Variants in ITSN1 observed in about 807,000 individuals in gnomAD.
The protein encoded by ITSN1 is intersectin 1.
ITSN1 carries 58 observed loss-of-function variants against 239.8 expected under a neutral mutation model. The ratio of observed to expected loss-of-function variants is 0.24; its 90% CI spans 0.20 to 0.30. The LOEUF (loss-of-function observed/expected upper bound fraction) is 0.30, where lower values mean the gene tolerates loss of function less well. Ranked by LOEUF, ITSN1 falls within the 10% of genes least tolerant of loss-of-function variation. The pLI is 1.00. For synonymous variants in ITSN1, 780 were observed against 770.8 expected, an observed-to-expected ratio of 1.01 and a Z score of -0.20; for missense variants, 1,558 against 2,103.3, an observed-to-expected ratio of 0.74 and a Z score of 5.07.
At chr21:33,680,755 C>T (rs2090902702) in intron 1 of ITSN1, among the ~76,000 whole-genome samples, 1 of 152,222 alleles carries the variant, frequency 6.6e-6, no homozygotes, top group East Asian at 1.9e-4. Context: ...AGGTTAATGA[C>T]TGCATGGTTT....
intron 16 of ITSN1, among the ~76,000 whole-genome samples, chr21:33,786,670 C>T (rs1192271162): frequency 1.3e-5 from 2 of 152,146 alleles, no homozygotes; most frequent in Non-Finnish European, 2.9e-5. Flanking sequence ...TTTCCAGGCT[C>T]CTTTAAGAGG....
At chr21:33,874,650 C>CTTTTTTTTTTTTTTTTTTTT (rs146318076) in intron 33 of ITSN1, among the ~76,000 whole-genome samples, 1 of 138,814 alleles carries the variant, frequency 7.2e-6, no homozygotes. Flanking sequence ...TTTTCTTTTT[C>CTTTTTTTTTTTTTTTTTTTT]TTTCTTTTTT....
chr21:33,731,794 A>ATATT (rs1030304894), intron 4 of ITSN1, among the ~76,000 whole-genome samples: 1 of 152,228 alleles, frequency 6.6e-6, no homozygotes, highest in African/African-American at 2.4e-5. Flanking sequence ...AACTACTTAA[A>ATATT]TATGTGAGAC....
At chr21:33,845,160 G>C (rs2074950823) in intron 29 of ITSN1, among the ~76,000 whole-genome samples, 1 of 152,042 alleles carries the variant, frequency 6.6e-6, no homozygotes, top group Non-Finnish European at 1.5e-5. Flanking sequence ...GTTCCAGCTA[G>C]TGAAGGATGG....
intron 1 of ITSN1, among the ~76,000 whole-genome samples, chr21:33,680,470 TAC>T (rs763916969): frequency 5.3e-5 from 8 of 152,040 alleles, no homozygotes; most frequent in Non-Finnish European, 1.0e-4. Flanking sequence ...TAGCTGGCAT[TAC>T]AGGCATGCAC....
chr21:33,806,101 C>G (rs1227760924), intron 20 of ITSN1, among the ~76,000 whole-genome samples: 1 of 148,552 alleles, frequency 6.7e-6, no homozygotes, highest in African/African-American at 2.5e-5. Flanking sequence ...GTCCCAGCTA[C>G]TCGGGAGGCT....
At chr21:33,822,990 G>A (rs1473376511) in intron 24 of ITSN1, among the ~76,000 whole-genome samples, 1 of 152,190 alleles carries the variant, frequency 6.6e-6, no homozygotes, top group African/African-American at 2.4e-5. Flanking sequence ...TTTATGCGAA[G>A]GATATATGCT....
chr21:33,672,447 G>T (rs1040994140), intron 1 of ITSN1, among the ~76,000 whole-genome samples: 1 of 151,172 alleles, frequency 6.6e-6, no homozygotes, highest in African/African-American at 2.5e-5. Context: ...AACATGTTAG[G>T]ATGGCCATTA....
At chr21:33,666,462 T>TA (rs1218263866) in intron 1 of ITSN1, among the ~76,000 whole-genome samples, 1 of 107,498 alleles carries the variant, frequency 9.3e-6, no homozygotes, top group Non-Finnish European at 1.8e-5. Context: ...TGCTGCAATT[T>TA]AAAAAAAATA....
At position 33,891,991 on chromosome 21, in the gene ITSN1, G is replaced by A. The variant is rs930438876; in HGVS notation, c.*3691G>A. The A allele has an allele frequency of 5.3e-5, 8 of 152,166 alleles. No homozygotes were observed. The highest frequency in any genetic ancestry group is 1.9e-4 in the African/African-American group (8 of 41,436). 9.4% of individuals were successfully genotyped at this position (152,166 alleles called of 1,614,324 possible). Reference sequence around the variant, plus strand: ...TTCTCCCTTCCTTTTCAAGGTTAGCGATGTGCTTTATAGCAGACACTAGCA... The same window carrying A: ...TTCTCCCTTCCTTTTCAAGGTTAGCAATGTGCTTTATAGCAGACACTAGCA... On this transcript the variant is annotated 3_prime_UTR_variant, in exon 40 of 40. Coordinates refer to ENST00000381318, the MANE Select transcript of ITSN1 (RefSeq NM_003024.3).
chr21:33,674,850 A>C (rs1358041486), intron 1 of ITSN1, among the ~76,000 whole-genome samples: 3 of 152,182 alleles, frequency 2.0e-5, no homozygotes, highest in Non-Finnish European at 4.4e-5. Flanking sequence ...ATCTTCTGAC[A>C]TTTTTGGCAA....
intron 5 of ITSN1, among the ~76,000 whole-genome samples, chr21:33,745,493 A>T (rs1029426726): frequency 2.6e-5 from 4 of 152,242 alleles, no homozygotes; most frequent in Admixed American, 2.6e-4. Context: ...AAAGGTATAT[A>T]ACATCTGAGA....
intron 11 of ITSN1, among the ~76,000 whole-genome samples, chr21:33,768,121 A>G: frequency 6.6e-6 from 1 of 152,244 alleles, no homozygotes. Context: ...TAGAATATAC[A>G]GCACTAAAAA....
At chr21:33,735,302 C>G in intron 5 of ITSN1, 98 bp downstream of exon 5, 1 of 1,272,526 alleles carries the variant, frequency 7.9e-7, no homozygotes, top group Non-Finnish European at 1.1e-6. Flanking sequence ...TTATGAAATT[C>G]TAGGAGGTAA....
chr21:33,669,075 AG>A (rs757537629), intron 1 of ITSN1, among the ~76,000 whole-genome samples: 1 of 152,194 alleles, frequency 6.6e-6, no homozygotes, highest in Non-Finnish European at 1.5e-5. Context: ...TTCCAGAAAC[AG>A]ACAGAGAAGA....
Position 33,867,347 on chromosome 21 carries a change from GC to G in ITSN1, c.4173+18del. Reference sequence around the variant, plus strand: ...CATTAAAAATGTAAGTACCTGTCTTGCCTTTTCAAGCAGGGGACGGCTTTCT... The same window carrying G: ...CATTAAAAATGTAAGTACCTGTCTTGCTTTTCAAGCAGGGGACGGCTTTCT... On this transcript the variant is annotated intron_variant, in intron 33 of 39. Transcript: ENST00000381318. 6.9e-7 allele frequency: 1 copy of G among 1,449,338 alleles called. No homozygotes were observed. Among genetic ancestry groups the G allele is most frequent in the Non-Finnish European group, 9.7e-7 (1 of 1,029,880 alleles). The allele number at this position is 1,449,338 out of a possible 1,614,324, so 89.8% of individuals were successfully genotyped here.
intron 29 of ITSN1, among the ~76,000 whole-genome samples, chr21:33,839,909 T>C (rs1158901552): frequency 6.6e-6 from 1 of 152,148 alleles, no homozygotes; most frequent in African/African-American, 2.4e-5. Flanking sequence ...CATCCTGCAG[T>C]GCACAGGACA....
chr21:33,790,356 T>TA (rs2071021751), intron 16 of ITSN1, among the ~76,000 whole-genome samples: 1 of 152,012 alleles, frequency 6.6e-6, no homozygotes, highest in African/African-American at 2.4e-5. Context: ...AAGTATTTGT[T>TA]ACATGCAGCT....
Position 33,788,165 on chromosome 21 carries a change from T to C in ITSN1, c.1824+6032T>C, listed in dbSNP as rs2070815934. On this transcript the variant is annotated intron_variant, in intron 16 of 39. Transcript: ENST00000381318. ...TCAGGACAAAATGGAATCAGTTTTC[T>C]CTTTCTGGTAATGCTTCCCAAGGGT... 2.0e-5 allele frequency among the ~76,000 whole-genome samples: 3 copies of C among 152,198 alleles called. No individual in the cohort carries two copies. In the South Asian group the frequency reaches 6.2e-4, roughly 32 times the overall value.
Sources: gnomAD v4.1 joint callset for allele counts (sites outside exome capture counted in the v4.1 genomes callset) on GRCh38, gnomAD v4.1.1 for gene constraint, MANE v1.5 for transcripts, NCBI Gene and HGNC (gene_info 2026-07-23, HGNC 2026-07-21) for gene names.